The following GAS2 variants were observed in gnomAD, a reference collection of about 807,000 sequenced individuals.
GAS2 encodes the protein growth arrest specific 2.
GAS2 carries 20 observed loss-of-function variants against 37.5 expected under a neutral mutation model. The ratio of observed to expected loss-of-function variants is 0.53; its 90% confidence interval spans 0.37 to 0.77. The LOEUF (loss-of-function observed/expected upper bound fraction) is 0.77. Ranked by LOEUF, GAS2 falls within the 30% of genes least tolerant of loss-of-function variation. The probability of loss-of-function intolerance (pLI) is 0.00; values close to 1 mark genes in which losing one functional copy is unlikely to be tolerated. For missense variants in GAS2, 336 were observed against 373.4 expected (o/e 0.90, Z 0.82); for synonymous variants, 144 against 132.2 (o/e 1.09, Z -0.61).
intron 1 of GAS2, among the ~76,000 whole-genome samples, chr11:22,651,530 A>T (rs1293463456): frequency 6.6e-6 from 1 of 152,148 alleles, no homozygotes; most frequent in Non-Finnish European, 1.5e-5. Context: ...ACTTGGTTCC[A>T]TTCTCCTCGT....
intron 6 of GAS2, among the ~76,000 whole-genome samples, chr11:22,750,576 C>T (rs1251376859): frequency 6.6e-6 from 1 of 151,986 alleles, no homozygotes; most frequent in Non-Finnish European, 1.5e-5. Flanking sequence ...ATTTTAAAAT[C>T]ACATAACTTT....
chr11:22,644,534 C>T (rs995261166), intron 1 of GAS2, among the ~76,000 whole-genome samples: 2 of 152,122 alleles, frequency 1.3e-5, no homozygotes, highest in Non-Finnish European at 2.9e-5. Context: ...TCCCTTTATT[C>T]TTTTGAACAG....
intron 7 of GAS2, among the ~76,000 whole-genome samples, chr11:22,769,780 T>G (rs762771456): frequency 6.6e-6 from 1 of 152,182 alleles, no homozygotes; most frequent in Non-Finnish European, 1.5e-5. Flanking sequence ...TGAGTTAACC[T>G]CTCTAATTGT....
At chr11:22,754,315 A>G (rs1205437629) in intron 6 of GAS2, among the ~76,000 whole-genome samples, 1 of 152,122 alleles carries the variant, frequency 6.6e-6, no homozygotes, top group East Asian at 1.9e-4. Context: ...TTTAAAATAT[A>G]ATGAAATACC....
chr11:22,627,254 T>C (rs1858674601), intron 1 of GAS2, among the ~76,000 whole-genome samples: 2 of 152,350 alleles, frequency 1.3e-5, no homozygotes, highest in South Asian at 4.1e-4. Context: ...CAGGCATCAC[T>C]AATTCATTTA....
At chr11:22,804,699 A>T (rs1053413111) in intron 7 of GAS2, among the ~76,000 whole-genome samples, 1 of 152,108 alleles carries the variant, frequency 6.6e-6, no homozygotes, top group African/African-American at 2.4e-5. Flanking sequence ...AGGTGGAGTA[A>T]ATGATAAGTG....
chr11:22,721,575 T>C (rs1851950525), intron 3 of GAS2, among the ~76,000 whole-genome samples: 1 of 152,028 alleles, frequency 6.6e-6, no homozygotes, highest in Non-Finnish European at 1.5e-5. Flanking sequence ...TCTCCCACTA[T>C]GAATGTACTA....
rs1283267750 is a variant in GAS2 at position 22,703,914 on chromosome 11, C to T, written c.267+18125C>T. 2.6e-5 allele frequency among the ~76,000 whole-genome samples: 4 copies of T among 152,102 alleles called. No homozygotes were observed. In the East Asian group the frequency reaches 7.7e-4, roughly 29 times the overall value. ...TTTCACACCAGTGTAGGCTGCTTGT[C>T]TAACAGATGCCTCGCTAGCATTGCT... On this transcript the variant is annotated intron_variant, in intron 3 of 7. Coordinates refer to ENST00000454584, the MANE Select transcript of GAS2 (RefSeq NM_001143830.3).
Position 22,762,829 on chromosome 11 carries a change from T to C in GAS2, c.723+6876T>C, listed in dbSNP as rs190004862. 3.8e-3 allele frequency among the ~76,000 whole-genome samples: 574 copies of C among 152,310 alleles called. 1 individual carries two copies. Among genetic ancestry groups the C allele is most frequent in the Non-Finnish European group, 5.9e-3 (401 of 68,006 alleles). On this transcript the variant is annotated intron_variant, in intron 7 of 7. Coordinates refer to ENST00000454584, the MANE Select transcript of GAS2 (RefSeq NM_001143830.3). Reference sequence around the variant, plus strand: ...AACTAGAATTCTATAATAAGACATATTGCTATCTGTCCTGATATCTTTTCA... The same window carrying C: ...AACTAGAATTCTATAATAAGACATACTGCTATCTGTCCTGATATCTTTTCA...
chr11:22,798,303 C>T (rs1856519638), intron 7 of GAS2, among the ~76,000 whole-genome samples: 1 of 152,032 alleles, frequency 6.6e-6, no homozygotes, highest in Non-Finnish European at 1.5e-5. Context: ...ATGTTCCAGG[C>T]ACTGTTTCTA....
intron 5 of GAS2, among the ~76,000 whole-genome samples, chr11:22,742,201 A>G (rs917059669): frequency 6.6e-6 from 1 of 152,122 alleles, no homozygotes; most frequent in African/African-American, 2.4e-5. Context: ...GTATGAGGAT[A>G]TGATTTTAGT....
chr11:22,683,220 T>G (rs1385638218), intron 2 of GAS2, among the ~76,000 whole-genome samples: 1 of 152,192 alleles, frequency 6.6e-6, no homozygotes, highest in Non-Finnish European at 1.5e-5. Flanking sequence ...TATTAGATAT[T>G]CTGAGTTTAA....
chr11:22,806,136 C>G (rs1253827016), intron 7 of GAS2, among the ~76,000 whole-genome samples: 1 of 152,092 alleles, frequency 6.6e-6, no homozygotes, highest in Non-Finnish European at 1.5e-5. Flanking sequence ...CTCATTTTAC[C>G]AAGCCCCTAT....
chr11:22,808,816 C>A (rs954137138), intron 7 of GAS2, among the ~76,000 whole-genome samples: 1 of 152,194 alleles, frequency 6.6e-6, no homozygotes, highest in African/African-American at 2.4e-5. Context: ...CTGACACTGG[C>A]CTTGGCAGTT....
chr11:22,691,870 T>C (rs1850260986), intron 3 of GAS2, among the ~76,000 whole-genome samples: 1 of 152,180 alleles, frequency 6.6e-6, no homozygotes, highest in South Asian at 2.1e-4. Context: ...AGTATAAAAT[T>C]AAATCCCCCT....
intron 1 of GAS2, among the ~76,000 whole-genome samples, chr11:22,673,390 A>G (rs914939249): frequency 6.6e-6 from 1 of 152,226 alleles, no homozygotes; most frequent in Admixed American, 6.5e-5. Flanking sequence ...TGCCATAAAT[A>G]CTGCAATATC....
Position 22,686,664 on chromosome 11 carries a change from C to T in GAS2, c.267+875C>T, listed in dbSNP as rs575730958. Among the ~76,000 whole-genome samples, 3 of 147,788 alleles carry T rather than the reference C, an allele frequency of 2.0e-5. No homozygotes were observed. In the South Asian group the frequency reaches 6.5e-4, roughly 32 times the overall value. ...ACTCAGGAGGCTGAGGCGGGAGAAT[C>T]GCTTGAACCCAGGAAGTAAAGGTTG... On this transcript the variant is annotated intron_variant, in intron 3 of 7. Transcript: ENST00000454584.
At chr11:22,706,509 G>C (rs1381543334) in intron 3 of GAS2, among the ~76,000 whole-genome samples, 1 of 144,430 alleles carries the variant, frequency 6.9e-6, no homozygotes, top group East Asian at 2.2e-4. Context: ...AACAGTCCCC[G>C]GAGTGTGATG....
At chr11:22,697,448 A>G (rs1850588527) in intron 3 of GAS2, among the ~76,000 whole-genome samples, 2 of 152,098 alleles carry the variant, frequency 1.3e-5, no homozygotes, top group Non-Finnish European at 2.9e-5. Flanking sequence ...GTTGCATATG[A>G]ACTTTAAAGT....
Sources: allele counts gnomAD v4.1 joint callset (sites outside exome capture counted in the v4.1 genomes callset), GRCh38; gene constraint gnomAD v4.1.1; transcripts MANE v1.5; gene names NCBI Gene and HGNC (gene_info 2026-07-23, HGNC 2026-07-21).